The following SLC15A4 variants were observed in gnomAD, a reference collection of about 807,000 sequenced individuals.
The protein encoded by SLC15A4 is solute carrier family 15 member 4.
Under a neutral mutation model 46.1 loss-of-function variants are expected in SLC15A4, and 26 were observed. The observed-to-expected ratio is 0.56, with a 90% CI of 0.41 to 0.78. The LOEUF is 0.78. SLC15A4 is among the 30% of genes least tolerant of loss of function. The probability of loss-of-function intolerance (pLI) is 0.00; values close to 1 mark genes in which losing one functional copy is unlikely to be tolerated. For synonymous variants in SLC15A4, 370 were observed against 333.4 expected (o/e 1.11, Z -1.20); for missense variants, 751 against 755.7 (o/e 0.99, Z 0.07).
At chr12:128,820,432 G>A (rs899571693) in intron 1 of SLC15A4, among the ~76,000 whole-genome samples, 1 of 152,202 alleles carries the variant, frequency 6.6e-6, no homozygotes, top group African/African-American at 2.4e-5. Context: ...AAAAAACCCA[G>A]TTCCAATTCA....
rs1443640077 is a variant in SLC15A4, at chr12:128,794,259, A to G, written c.1671T>C (p.Tyr557=). The change falls in exon 8 of 8, where the codon TAT becomes TAC. Residue 557 remains tyrosine, a synonymous_variant. Transcript: ENST00000266771. ...ATCGCTGATGGTCTCGATGATGGTC[A>G]TATTTCACAGAAATAATGAGGAAAA... ...LLLFLIISVK[Y]DHHRDHQRSR... The G allele has an allele frequency of 1.2e-6, 2 of 1,613,988 alleles. No individual in the cohort carries two copies. The highest frequency in any genetic ancestry group is 1.7e-6 in the Non-Finnish European group (2 of 1,179,974).
At chr12:128,815,404 C>G (rs865977184) in intron 1 of SLC15A4, 1 of 265,454 alleles carries the variant, frequency 3.8e-6, no homozygotes, top group African/African-American at 2.2e-5. Flanking sequence ...AAACAGAGTC[C>G]GCTGGGCATG....
intron 2 of SLC15A4, among the ~76,000 whole-genome samples, chr12:128,812,928 A>T (rs887492051): frequency 2.6e-5 from 4 of 152,164 alleles, no homozygotes; most frequent in African/African-American, 9.7e-5. Flanking sequence ...ACTTTCAAAG[A>T]CTATCCTAAG....
At chr12:128,817,408 T>C (rs1955771663) in intron 1 of SLC15A4, among the ~76,000 whole-genome samples, 2 of 152,166 alleles carry the variant, frequency 1.3e-5, no homozygotes, top group African/African-American at 4.8e-5. Context: ...AAACAAAAAG[T>C]AATTTTTTGA....
In SLC15A4 at chr12:128,809,945, G is replaced by A. The variant is rs199931378; in HGVS notation, c.1009C>T (p.Gln337Ter). ...ALIPYWTVYF[Q>*]MQTTYVLQSL... ...TAAACCTGTTTGTCACCACTCACTT[G>A]GAAATACACTGTCCAGTAAGGTATC... is the stretch of plus-strand genomic sequence containing the variant. The change falls in exon 3 of 8, where the codon CAA becomes TAA. Residue 337 changes from glutamine (Q) to a stop codon, truncating the protein, a stop_gained and splice_region_variant. Transcript: ENST00000266771. LOFTEE classifies it high-confidence loss of function. The A allele has an allele frequency of 6.2e-7, 1 of 1,610,572 alleles. No homozygotes were observed. The highest frequency in any genetic ancestry group is 8.5e-7 in the Non-Finnish European group (1 of 1,178,938).
At chr12:128,809,873 G>T in intron 3 of SLC15A4, 70 bp downstream of exon 3, 1 of 1,477,048 alleles carries the variant, frequency 6.8e-7, no homozygotes, top group Non-Finnish European at 9.1e-7. Flanking sequence ...TTTAGAAATG[G>T]CCAAAACAAG....
At chr12:128,808,257 T>A (rs1050704417) in intron 5 of SLC15A4, among the ~76,000 whole-genome samples, 1 of 152,210 alleles carries the variant, frequency 6.6e-6, no homozygotes, top group Non-Finnish European at 1.5e-5. Context: ...TAGGCATTTG[T>A]TCTTATCAGG....
At chr12:128,805,921 C>T (rs1487815612) in intron 5 of SLC15A4, among the ~76,000 whole-genome samples, 2 of 152,014 alleles carry the variant, frequency 1.3e-5, no homozygotes, top group East Asian at 3.9e-4. Context: ...GTGGCTCATG[C>T]TTATAATCCC....
At chr12:128,818,628 T>C (rs778062848) in intron 1 of SLC15A4, among the ~76,000 whole-genome samples, 10 of 152,202 alleles carry the variant, frequency 6.6e-5, no homozygotes, top group Non-Finnish European at 1.3e-4. Flanking sequence ...TTCACTATGA[T>C]TCACATACCA....
intron 7 of SLC15A4, among the ~76,000 whole-genome samples, chr12:128,799,047 G>A (rs1474893920): frequency 6.6e-6 from 1 of 152,166 alleles, no homozygotes; most frequent in African/African-American, 2.4e-5. Flanking sequence ...GGGATGAGAA[G>A]AGAGGCCTGC....
rs113310547 is a variant in SLC15A4, at chr12:128,795,566, C to T, written c.1574-1210G>A. Among the ~76,000 whole-genome samples the T allele has an allele frequency of 7.0e-3, 1,068 of 152,264 alleles. 9 individuals are homozygous for T. Among genetic ancestry groups the T allele is most frequent in the African/African-American group, 0.024 (1,014 of 41,534 alleles). ...AAAGGCACTCAAGAGGGAGTCTGGA[C>T]GCGGTGAGGGTGCTAGCAACACGTG... On this transcript the variant is annotated intron_variant, in intron 7 of 7. Coordinates refer to ENST00000266771, the MANE Select transcript of SLC15A4 (RefSeq NM_145648.4).
intron 5 of SLC15A4, among the ~76,000 whole-genome samples, chr12:128,805,860 T>C (rs1368722552): frequency 6.6e-6 from 1 of 152,038 alleles, no homozygotes; most frequent in Non-Finnish European, 1.5e-5. Flanking sequence ...CCTTAAATAA[T>C]CATGATCTAT....
At chr12:128,800,497 C>T (rs1420529840) in intron 6 of SLC15A4, among the ~76,000 whole-genome samples, 1 of 152,256 alleles carries the variant, frequency 6.6e-6, no homozygotes, top group East Asian at 1.9e-4. Context: ...TTACGTACAT[C>T]TAAACGAAGC....
chr12:128,817,442 C>T (rs1382843166), intron 1 of SLC15A4, among the ~76,000 whole-genome samples: 2 of 152,184 alleles, frequency 1.3e-5, no homozygotes, highest in Non-Finnish European at 2.9e-5. Flanking sequence ...GGCCAGTAAA[C>T]ATAGTATATA....
In SLC15A4 at chr12:128,809,396, C is replaced by A. The variant is rs759186075; in HGVS notation, c.1089G>T (p.Thr363=). ...EISNITTTPH[T]LPAAWLTMFD... is the part of the protein sequence containing the mutation. ...TTCAGATCATTACAATTGTTCTTAC[C>A]GTGTGAGGAGTGGTTGTAATATTTG... Residue 363 remains threonine, a splice_region_variant and synonymous_variant, in exon 4 of 8, where the codon ACG becomes ACT. Transcript: ENST00000266771. 1 of 1,582,578 alleles carries A rather than the reference C, an allele frequency of 6.3e-7. No homozygotes were observed. Among genetic ancestry groups the A allele is most frequent in the Non-Finnish European group, 8.7e-7 (1 of 1,156,064 alleles).
At position 128,793,873 on chromosome 12, in the gene SLC15A4, C is replaced by G. The variant is rs1369872349; in HGVS notation, c.*323G>C. On this transcript the variant is annotated 3_prime_UTR_variant, in exon 8 of 8. Coordinates refer to ENST00000266771, the MANE Select transcript of SLC15A4 (RefSeq NM_145648.4). ...GGATGCCAACTAACACGTGGAGTTC[C>G]CCAAGACTTTGCAATCTCCATTTGT... 9.4e-6 allele frequency: 2 copies of G among 213,176 alleles called. No individual in the cohort carries two copies. Among genetic ancestry groups the G allele is most frequent in the African/African-American group, 4.6e-5 (2 of 43,760 alleles). 13.2% of individuals were successfully genotyped at this position (213,176 alleles called of 1,614,324 possible).
chr12:128,803,180 A>T (rs900933524), intron 5 of SLC15A4, among the ~76,000 whole-genome samples: 30 of 152,196 alleles, frequency 2.0e-4, no homozygotes, highest in Admixed American at 7.2e-4. Context: ...TTCAAAAAAT[A>T]AACAAAACTG....
rs1955888758 is a variant in SLC15A4, at chr12:128,823,692, G to A, written c.252C>T (p.Leu84=). 1 of 1,520,048 alleles carries A rather than the reference G, an allele frequency of 6.6e-7. No homozygotes were observed. Among genetic ancestry groups the A allele is most frequent in the African/African-American group, 1.4e-5 (1 of 70,410 alleles). The allele number at this position is 1,520,048 out of a possible 1,614,324, so 94.2% of individuals were successfully genotyped here. ...ASEALLLFMG[L]TYLGSPFGGW... is the part of the protein sequence containing the mutation. ...CTCCGAACGGCGAGCCCAGGTAGGT[G>A]AGGCCCATGAAGAGCAGCAGCGCCT... Residue 84 remains leucine (L), a synonymous_variant, in exon 1 of 8, where the codon CTC becomes CTT. Coordinates refer to ENST00000266771, the MANE Select transcript of SLC15A4 (RefSeq NM_145648.4).
chr12:128,821,017 T>C (rs553895219), intron 1 of SLC15A4, among the ~76,000 whole-genome samples: 1 of 152,174 alleles, frequency 6.6e-6, no homozygotes, highest in African/African-American at 2.4e-5. Flanking sequence ...GGCACCTCCC[T>C]CCCCTCTCTC....
Sources: allele counts gnomAD v4.1 joint callset (sites outside exome capture counted in the v4.1 genomes callset), GRCh38; gene constraint gnomAD v4.1.1; transcripts MANE v1.5; gene names NCBI Gene and HGNC (gene_info 2026-07-23, HGNC 2026-07-21).